The following NRG3 variants were observed in gnomAD, a reference collection of about 807,000 sequenced individuals.
The protein encoded by NRG3 is pro-neuregulin-3, membrane-bound isoform.
In NRG3, 31 loss-of-function variants were observed where a neutral mutation model predicts 66.9. That is an observed-to-expected ratio of 0.46 (90% CI 0.35 to 0.63). The LOEUF (loss-of-function observed/expected upper bound fraction) is 0.63, where lower values mean the gene tolerates loss of function less well. Ranked by LOEUF, NRG3 falls within the 20% of genes least tolerant of loss-of-function variation. The pLI is 0.00. For synonymous variants in NRG3, 393 were observed against 359.4 expected (o/e 1.09, Z -1.06); for missense variants, 910 against 878.9 (o/e 1.04, Z -0.45).
chr10:82,237,005 G>A lies in NRG3; in HGVS notation c.824-121734G>A, dbSNP rs374408983. ...ACTGGGATTACAGGTGTGAGCCAGCGCACCCGGCCTAAAAAAACTAGAACT... is the reference window on the plus strand; with the variant it reads ...ACTGGGATTACAGGTGTGAGCCAGCACACCCGGCCTAAAAAAACTAGAACT... On this transcript the variant is annotated intron_variant, in intron 1 of 8. Transcript: ENST00000372141. Among the ~76,000 whole-genome samples, 7 of 152,068 alleles carry A rather than the reference G, an allele frequency of 4.6e-5. No individual in the cohort carries two copies. In the East Asian group the frequency reaches 5.8e-4, roughly 13 times the overall value.
At chr10:82,088,578 G>C (rs964328823) in intron 1 of NRG3, among the ~76,000 whole-genome samples, 7 of 152,034 alleles carry the variant, frequency 4.6e-5, no homozygotes, top group African/African-American at 1.5e-4. Flanking sequence ...ATGTGCAAAG[G>C]GTTCCTTTGA....
intron 2 of NRG3, among the ~76,000 whole-genome samples, chr10:82,668,967 G>A (rs2053024866): frequency 6.6e-6 from 1 of 152,076 alleles, no homozygotes. Context: ...TTCCCATCTG[G>A]GAACTGCTGT....
At chr10:82,697,168 A>G (rs1418705094) in intron 2 of NRG3, among the ~76,000 whole-genome samples, 1 of 152,212 alleles carries the variant, frequency 6.6e-6, no homozygotes, top group Non-Finnish European at 1.5e-5. Context: ...CAATAATCAA[A>G]CATACTTACA....
intron 2 of NRG3, among the ~76,000 whole-genome samples, chr10:82,387,674 A>G (rs1279463364): frequency 6.6e-6 from 1 of 152,208 alleles, no homozygotes; most frequent in Non-Finnish European, 1.5e-5. Flanking sequence ...TGCATCAGCA[A>G]TGACCTCAGA....
chr10:82,576,238 T>G (rs2133167002), intron 2 of NRG3, among the ~76,000 whole-genome samples: 1 of 151,810 alleles, frequency 6.6e-6, no homozygotes, highest in Non-Finnish European at 1.5e-5. Context: ...ATTCCTACAT[T>G]TTAAATATCT....
At chr10:82,725,798 G>A (rs1339728021) in intron 2 of NRG3, among the ~76,000 whole-genome samples, 2 of 152,038 alleles carry the variant, frequency 1.3e-5, no homozygotes, top group Non-Finnish European at 2.9e-5. Flanking sequence ...ATTTTACCTG[G>A]CAACACTACA....
intron 3 of NRG3, among the ~76,000 whole-genome samples, chr10:82,813,263 G>C (rs545564229): frequency 7.4e-6 from 1 of 134,724 alleles, no homozygotes; most frequent in South Asian, 2.3e-4. Flanking sequence ...GCCCAGGCTG[G>C]AGTATAGTGG....
intron 2 of NRG3, among the ~76,000 whole-genome samples, chr10:82,661,471 C>T (rs917113958): frequency 4.0e-5 from 6 of 149,096 alleles, no homozygotes; most frequent in Non-Finnish European, 9.0e-5. Flanking sequence ...TATATATATA[C>T]AGAGAGGCAT....
intron 2 of NRG3, among the ~76,000 whole-genome samples, chr10:82,588,072 C>G (rs1237315001): frequency 6.6e-6 from 1 of 152,248 alleles, no homozygotes; most frequent in African/African-American, 2.4e-5. Flanking sequence ...ATTTGGCAGA[C>G]AAGTACAAGT....
intron 1 of NRG3, among the ~76,000 whole-genome samples, chr10:82,204,399 G>A (rs1016057349): frequency 3.3e-5 from 5 of 152,188 alleles, no homozygotes; most frequent in African/African-American, 9.7e-5. Context: ...TCATCAGTGG[G>A]CTCCTTTGCC....
intron 1 of NRG3, among the ~76,000 whole-genome samples, chr10:81,964,701 C>T (rs951531948): frequency 3.3e-5 from 5 of 152,120 alleles, no homozygotes; most frequent in Non-Finnish European, 5.9e-5. Flanking sequence ...AAGGCCATTC[C>T]ACAGAGAGTC....
intron 1 of NRG3, among the ~76,000 whole-genome samples, chr10:82,105,238 C>A (rs902322174): frequency 6.6e-6 from 1 of 152,118 alleles, no homozygotes; most frequent in South Asian, 2.1e-4. Context: ...GATTCAAGTG[C>A]AGCAAAGTTT....
At chr10:82,899,018 T>C (rs1843953948) in intron 4 of NRG3, among the ~76,000 whole-genome samples, 1 of 152,142 alleles carries the variant, frequency 6.6e-6, no homozygotes, top group African/African-American at 2.4e-5. Flanking sequence ...CCAGGAGTTT[T>C]TATTTCATTG....
chr10:82,443,174 G>A (rs1159242655), intron 2 of NRG3, among the ~76,000 whole-genome samples: 1 of 151,690 alleles, frequency 6.6e-6, no homozygotes, highest in Non-Finnish European at 1.5e-5. Flanking sequence ...AAAAAGCCCT[G>A]GGACAACTTC....
chr10:82,962,046 T>C (rs1431601780), intron 6 of NRG3, among the ~76,000 whole-genome samples: 1 of 152,232 alleles, frequency 6.6e-6, no homozygotes, highest in East Asian at 1.9e-4. Context: ...TTCATGGAAA[T>C]GGGTTTCACT....
chr10:82,405,458 G>A (rs28498261), intron 2 of NRG3, among the ~76,000 whole-genome samples: 1 of 140,328 alleles, frequency 7.1e-6, no homozygotes, highest in Admixed American at 7.2e-5. Context: ...TCAGTAGTTT[G>A]TTTTTTTTTT....
chr10:82,371,658 G>GA (rs976885198), intron 2 of NRG3, among the ~76,000 whole-genome samples: 2 of 151,726 alleles, frequency 1.3e-5, no homozygotes, highest in Admixed American at 6.6e-5. Flanking sequence ...AATTTATAAA[G>GA]AAAAAAAAGG....
chr10:82,952,499 G>C (rs1235054461), intron 5 of NRG3, among the ~76,000 whole-genome samples: 3 of 148,648 alleles, frequency 2.0e-5, no homozygotes, highest in African/African-American at 7.7e-5. Context: ...GTGTGTGTGT[G>C]TGTGTGTGTG....
At chr10:82,461,985 G>A (rs1484946574) in intron 2 of NRG3, among the ~76,000 whole-genome samples, 1 of 152,046 alleles carries the variant, frequency 6.6e-6, no homozygotes, top group Non-Finnish European at 1.5e-5. Context: ...ACAAAAATTA[G>A]CCAGACATGG....
Sources: gnomAD v4.1 joint callset for allele counts (sites outside exome capture counted in the v4.1 genomes callset) on GRCh38, gnomAD v4.1.1 for gene constraint, MANE v1.5 for transcripts, NCBI Gene and HGNC (gene_info 2026-07-23, HGNC 2026-07-21) for gene names.